Variants in DNAJC5B observed in about 807,000 individuals in gnomAD.
DNAJC5B encodes dnaJ homolog subfamily C member 5B.
A neutral mutation model predicts 24.7 loss-of-function variants in DNAJC5B; 23 were observed. That is an observed-to-expected ratio of 0.93 (90% CI 0.67 to 1.32). The LOEUF (loss-of-function observed/expected upper bound fraction) is 1.32. Among genes scored for constraint, DNAJC5B ranks in the 40% most tolerant of loss-of-function variants. The probability of loss-of-function intolerance (pLI) is 0.00; values close to 1 mark genes in which losing one functional copy is unlikely to be tolerated. For synonymous variants in DNAJC5B, 101 were observed against 90.1 expected, an observed-to-expected ratio of 1.12 and a Z score of -0.68; for missense variants, 238 against 240.8, an observed-to-expected ratio of 0.99 and a Z score of 0.08.
intron 3 of DNAJC5B, among the ~76,000 whole-genome samples, chr8:66,076,227 C>A (rs1039062101): frequency 1.3e-5 from 2 of 152,144 alleles, no homozygotes; most frequent in African/African-American, 4.8e-5. Flanking sequence ...CTGAGTTGAA[C>A]TTTTAGAATA....
chr8:66,060,369 G>A (rs1229279094), intron 3 of DNAJC5B, among the ~76,000 whole-genome samples: 1 of 152,170 alleles, frequency 6.6e-6, no homozygotes, highest in Non-Finnish European at 1.5e-5. Context: ...TACCCAGCTG[G>A]GGCTGTCACA....
In DNAJC5B at chr8:66,100,090, G is replaced by T; in HGVS notation, c.*59G>T. ...CTCAGTTCAGTCTTGTCTCCAGATG[G>T]TCGTAGGGGAGCGTGTGGGGCATAA... On this transcript the variant is annotated 3_prime_UTR_variant, in exon 6 of 6. Transcript: ENST00000276570. The T allele has an allele frequency of 6.8e-7, 1 of 1,474,360 alleles. No homozygotes were observed. The highest frequency in any genetic ancestry group is 9.3e-7 in the Non-Finnish European group (1 of 1,070,606). 91.3% of individuals were successfully genotyped at this position (1,474,360 alleles called of 1,614,324 possible). A position where few individuals can be genotyped will look rare whatever the true frequency, so the allele number is the denominator to read the frequency against.
chr8:66,020,643 TGTGTGTGTG>T (rs1806091934), upstream of DNAJC5B, among the ~76,000 whole-genome samples: 1 of 144,710 alleles, frequency 6.9e-6, no homozygotes, highest in Non-Finnish European at 1.5e-5. Flanking sequence ...TGTGTGTGTG[TGTGTGTGTG>T]TTTTAGACAA....
chr8:66,096,365 C>T (rs953767432), intron 5 of DNAJC5B, among the ~76,000 whole-genome samples: 12 of 152,126 alleles, frequency 7.9e-5, no homozygotes, highest in South Asian at 6.2e-4. Context: ...CTTCAACATA[C>T]GAATTTTGGG....
intron 3 of DNAJC5B, among the ~76,000 whole-genome samples, chr8:66,058,568 A>T (rs929165497): frequency 6.6e-6 from 1 of 152,078 alleles, no homozygotes; most frequent in Admixed American, 6.5e-5. Flanking sequence ...AGTGTTCTCT[A>T]AAAAAGGGGA....
intron 3 of DNAJC5B, among the ~76,000 whole-genome samples, chr8:66,075,016 C>T (rs1460558808): frequency 6.6e-6 from 1 of 152,066 alleles, no homozygotes; most frequent in Non-Finnish European, 1.5e-5. Context: ...GGAAGCCACC[C>T]TAGAAACAAG....
Position 66,100,175 on chromosome 8 carries a change from A to C in DNAJC5B, c.*144A>C. On this transcript the variant is annotated 3_prime_UTR_variant, in exon 6 of 6. Coordinates refer to ENST00000276570, the MANE Select transcript of DNAJC5B (RefSeq NM_033105.6). ...TTTGGGTTAGGAAAACATGATTGCT[A>C]TATAATTTTCTCAGTATGCAGACTT... The C allele has an allele frequency of 3.1e-6, 2 of 647,078 alleles. No individual in the cohort carries two copies. The highest frequency in any genetic ancestry group is 5.1e-6 in the Non-Finnish European group (2 of 389,738). The allele number at this position is 647,078 out of a possible 1,614,324, so 40.1% of individuals were successfully genotyped here. A position where few individuals can be genotyped will look rare whatever the true frequency, so the allele number is the denominator to read the frequency against.
At chr8:66,039,314 G>A (rs1204790179) in intron 1 of DNAJC5B, among the ~76,000 whole-genome samples, 3 of 149,360 alleles carry the variant, frequency 2.0e-5, no homozygotes, top group Non-Finnish European at 4.4e-5. Context: ...TCCTCCTCTA[G>A]AAAATGAGTG....
intron 3 of DNAJC5B, among the ~76,000 whole-genome samples, chr8:66,067,115 T>C (rs1807235653): frequency 6.6e-6 from 1 of 152,170 alleles, no homozygotes; most frequent in African/African-American, 2.4e-5. Flanking sequence ...TCTCACTGAC[T>C]AGGTAATTTG....
intron 3 of DNAJC5B, among the ~76,000 whole-genome samples, chr8:66,073,113 A>C (rs1807385045): frequency 6.6e-6 from 1 of 152,152 alleles, no homozygotes; most frequent in Non-Finnish European, 1.5e-5. Flanking sequence ...AGCTTATATA[A>C]TTGTCTATGT....
At chr8:66,081,762 A>AC (rs1187682654) in intron 5 of DNAJC5B, among the ~76,000 whole-genome samples, 1 of 151,898 alleles carries the variant, frequency 6.6e-6, no homozygotes, top group Non-Finnish European at 1.5e-5. Context: ...GAAACCTGGG[A>AC]CCCCTTGCTG....
Position 66,099,964 on chromosome 8 carries a change from C to G in DNAJC5B, c.533C>G (p.Pro178Arg), listed in dbSNP as rs763111988. The change falls in exon 6 of 6, where the codon CCT (proline) becomes CGT (arginine). Residue 178 changes from proline (P) to arginine (R), a missense_variant. By Grantham distance (103) the Pro-to-Arg change is moderately radical. Coordinates refer to ENST00000276570, the MANE Select transcript of DNAJC5B (RefSeq NM_033105.6). ...GTGGACTTTCCAGTTTTTCTCCAGC[C>G]TACAAATGCAAATGAGAAAACACAG... ...KDVDFPVFLQPTNANEKTQLI... is the reference protein window; with the variant it reads ...KDVDFPVFLQRTNANEKTQLI... 1 of 1,613,846 alleles carries G rather than the reference C, an allele frequency of 6.2e-7. No homozygotes were observed. Among genetic ancestry groups the G allele is most frequent in the South Asian group, 1.1e-5 (1 of 91,054 alleles).
chr8:66,031,974 C>T (rs1806369998), intron 1 of DNAJC5B, among the ~76,000 whole-genome samples: 3 of 152,218 alleles, frequency 2.0e-5, no homozygotes, highest in South Asian at 4.1e-4. Flanking sequence ...TAGTAATTAC[C>T]TCATTTAATT....
At chr8:66,089,650 G>A (rs1807803648) in intron 5 of DNAJC5B, among the ~76,000 whole-genome samples, 1 of 152,100 alleles carries the variant, frequency 6.6e-6, no homozygotes, top group South Asian at 2.1e-4. Flanking sequence ...ATACAAAATT[G>A]TATCAATCTT....
Position 66,051,670 on chromosome 8 carries a change from C to T in DNAJC5B, c.119+4C>T, listed in dbSNP as rs376417158. On this transcript the variant is annotated splice_donor_region_variant and intron_variant, in intron 3 of 5. Coordinates refer to ENST00000276570, the MANE Select transcript of DNAJC5B (RefSeq NM_033105.6). ...AAGAAATTAAGAAAACCTACAGGTA[C>T]GGATTTCAATGGTGACATTTCTTCT... is the stretch of plus-strand genomic sequence containing the variant. 113 of 1,595,754 alleles carry T rather than the reference C, an allele frequency of 7.1e-5. No individual in the cohort carries two copies. The highest frequency in any genetic ancestry group is 9.3e-5 in the Non-Finnish European group (109 of 1,167,444).
At chr8:66,063,632 T>C (rs1050125106) in intron 3 of DNAJC5B, among the ~76,000 whole-genome samples, 1 of 152,218 alleles carries the variant, frequency 6.6e-6, no homozygotes, top group African/African-American at 2.4e-5. Context: ...ATCGAACCTC[T>C]TAGTTCTTCA....
At chr8:66,054,886 G>C (rs1449868743) in intron 3 of DNAJC5B, among the ~76,000 whole-genome samples, 2 of 152,132 alleles carry the variant, frequency 1.3e-5, no homozygotes, top group African/African-American at 2.4e-5. Context: ...GCTGGGGTAG[G>C]GGAGGTGGGA....
chr8:66,087,140 G>A (rs1807744370), intron 5 of DNAJC5B, among the ~76,000 whole-genome samples: 2 of 152,132 alleles, frequency 1.3e-5, no homozygotes, highest in African/African-American at 4.8e-5. Context: ...TCATGGCTGA[G>A]GAGGCCTCAG....
At chr8:66,091,184 G>C (rs771222342) in intron 5 of DNAJC5B, among the ~76,000 whole-genome samples, 4 of 152,086 alleles carry the variant, frequency 2.6e-5, no homozygotes, top group Non-Finnish European at 4.4e-5. Flanking sequence ...CATAGTTCCT[G>C]GTACTTTGGA....
Sources: gnomAD v4.1 joint callset for allele counts (sites outside exome capture counted in the v4.1 genomes callset) on GRCh38, gnomAD v4.1.1 for gene constraint, MANE v1.5 for transcripts, NCBI Gene and HGNC (gene_info 2026-07-23, HGNC 2026-07-21) for gene names.